ROBO1: variants seen among roughly 807,000 people sequenced by gnomAD.
ROBO1 encodes the protein roundabout guidance receptor 1.
ROBO1 carries 149 observed loss-of-function variants against 195.9 expected under a neutral mutation model. That is an observed-to-expected ratio of 0.76 (90% CI 0.67 to 0.87). ROBO1 has a LOEUF of 0.87. Ranked by LOEUF, ROBO1 falls within the 40% of genes least tolerant of loss-of-function variation. The pLI is 0.00. For synonymous variants in ROBO1, 816 were observed against 733.2 expected (o/e 1.11, Z -1.82); for missense variants, 1,933 against 2,068.3 (o/e 0.93, Z 1.27).
intron 1 of ROBO1, among the ~76,000 whole-genome samples, chr3:79,681,560 G>T (rs1042140624): frequency 6.6e-6 from 1 of 151,964 alleles, no homozygotes; most frequent in African/African-American, 2.4e-5. Context: ...TATGAAATCT[G>T]AGTGTTACCT....
At chr3:79,730,610 C>A (rs970844757) in intron 1 of ROBO1, among the ~76,000 whole-genome samples, 1 of 151,960 alleles carries the variant, frequency 6.6e-6, no homozygotes, top group African/African-American at 2.4e-5. Flanking sequence ...TTTGAGAATG[C>A]TTTCTTTTCA....
intron 4 of ROBO1, among the ~76,000 whole-genome samples, chr3:78,798,074 G>T (rs111860811): frequency 8.7e-4 from 133 of 152,192 alleles, no homozygotes; most frequent in African/African-American, 2.8e-3. Flanking sequence ...GTATAAAGAA[G>T]ATATTTTATT....
chr3:78,668,555 G>C lies in ROBO1; in HGVS notation c.1559C>G (p.Thr520Ser). The C allele has an allele frequency of 6.2e-7, 1 of 1,613,508 alleles. No homozygotes were observed. Among genetic ancestry groups the C allele is most frequent in the Middle Eastern group, 1.6e-4 (1 of 6,062 alleles). The change falls in exon 12 of 31, where the codon ACT becomes AGT. Residue 520 changes from threonine (T) to serine (S), a missense_variant. Around this residue, in one of 3 missense-constraint regions of ROBO1, gnomAD observed 1,737 missense variants for 1,882.5 expected, o/e 0.92. Transcript: ENST00000464233. Reference sequence around the variant, plus strand: ...TGATGCAATGCAGGTGTACCGACCAGTATCACCCAGCTGAGAAGGCAGACA... The same window carrying C: ...TGATGCAATGCAGGTGTACCGACCACTATCACCCAGCTGAGAAGGCAGACA... The part of the protein sequence containing the change: ...LQIRYAKLGD[T>S]GRYTCIASTP...
intron 3 of ROBO1, among the ~76,000 whole-genome samples, chr3:79,050,914 G>T (rs921902859): frequency 2.6e-5 from 4 of 152,148 alleles, no homozygotes; most frequent in African/African-American, 9.7e-5. Context: ...AAAGCAGCGT[G>T]TAGAGGGAAA....
At chr3:78,803,880 T>C (rs1476488180) in intron 4 of ROBO1, among the ~76,000 whole-genome samples, 1 of 152,166 alleles carries the variant, frequency 6.6e-6, no homozygotes, top group Non-Finnish European at 1.5e-5. Flanking sequence ...GAATGATTAA[T>C]TCTTAAATGT....
At chr3:79,600,739 CA>C (rs1244357771) in intron 1 of ROBO1, among the ~76,000 whole-genome samples, 1 of 151,832 alleles carries the variant, frequency 6.6e-6, no homozygotes, top group Non-Finnish European at 1.5e-5. Context: ...GCTAATTTCA[CA>C]TTTCAATAAA....
chr3:79,213,963 T>A (rs1016698565), intron 2 of ROBO1, among the ~76,000 whole-genome samples: 2 of 151,728 alleles, frequency 1.3e-5, no homozygotes, highest in African/African-American at 2.4e-5. Flanking sequence ...GCAGCTGGGA[T>A]TACGGGTGCG....
At chr3:79,445,485 T>G (rs1181513812) in intron 2 of ROBO1, among the ~76,000 whole-genome samples, 2 of 145,744 alleles carry the variant, frequency 1.4e-5, no homozygotes, top group African/African-American at 2.5e-5. Context: ...GAAATTGTTT[T>G]TTTTTTTTTT....
intron 1 of ROBO1, among the ~76,000 whole-genome samples, chr3:79,637,050 A>G (rs1945516537): frequency 6.6e-6 from 1 of 152,214 alleles, no homozygotes; most frequent in South Asian, 2.1e-4. Context: ...ATTAAGTAAA[A>G]TTAAAAATTC....
intron 28 of ROBO1, 74 bp downstream of exon 28, chr3:78,614,574 C>T (rs1703994780): frequency 1.4e-6 from 2 of 1,449,372 alleles, no homozygotes; most frequent in Admixed American, 1.9e-5. Flanking sequence ...TCAGTGAATG[C>T]ATTTGCTAGT....
Position 79,267,549 on chromosome 3 carries a change from T to C in ROBO1, c.89-142010A>G, listed in dbSNP as rs1165094390. Among the ~76,000 whole-genome samples, 5 of 139,202 alleles carry C rather than the reference T, an allele frequency of 3.6e-5. No homozygotes were observed. In the East Asian group the frequency reaches 6.2e-4, roughly 17 times the overall value. The allele number at this position is 139,202 out of a possible 152,430, so 91.3% of individuals were successfully genotyped here. A position where few individuals can be genotyped will look rare whatever the true frequency, so the allele number is the denominator to read the frequency against. ...AATCTTGTGTTTTAAATCTATCTCT[T>C]TTTTTTTTTTTGTCACTTCACTATT... On this transcript the variant is annotated intron_variant, in intron 2 of 30. Transcript: ENST00000464233.
rs75311094 is a variant in ROBO1 at position 79,277,425 on chromosome 3, T to G, written c.89-151886A>C. Among the ~76,000 whole-genome samples, 400 of 152,122 alleles carry G rather than the reference T, an allele frequency of 2.6e-3. 4 individuals are homozygous for G. Among genetic ancestry groups the G allele is most frequent in the African/African-American group, 9.3e-3 (388 of 41,536 alleles). ...TTGCCAGAGCTAAAAATTAAAACAA[T>G]TTAACTCATGGAACTAGAGAATAGG... On this transcript the variant is annotated intron_variant, in intron 2 of 30. Transcript: ENST00000464233.
chr3:79,067,331 T>G (rs2108424510), intron 3 of ROBO1, among the ~76,000 whole-genome samples: 1 of 152,162 alleles, frequency 6.6e-6, no homozygotes, highest in South Asian at 2.1e-4. Flanking sequence ...ATGGGGTTAC[T>G]TGTTTATTTG....
chr3:79,697,108 G>A (rs917952985), intron 1 of ROBO1, among the ~76,000 whole-genome samples: 1 of 151,398 alleles, frequency 6.6e-6, no homozygotes, highest in Non-Finnish European at 1.5e-5. Flanking sequence ...GTCCATATGG[G>A]TTCTCTTGGT....
chr3:78,970,006 G>A (rs571893679), intron 3 of ROBO1, among the ~76,000 whole-genome samples: 1 of 152,124 alleles, frequency 6.6e-6, no homozygotes, highest in African/African-American at 2.4e-5. Flanking sequence ...TGGATACATA[G>A]GGGAAAGAGA....
At position 79,694,866 on chromosome 3, in the gene ROBO1, G is replaced by A. The variant is rs549211095; in HGVS notation, c.-51+72886C>T. ...TCAGATGTATAACTTAAGCTTTTTT[G>A]AAAAGCAATTTGACAATGATATGAG... On this transcript the variant is annotated intron_variant, in intron 1 of 30. Transcript: ENST00000464233. Among the ~76,000 whole-genome samples the A allele has an allele frequency of 5.7e-3, 871 of 151,600 alleles. 13 individuals are homozygous for A. Among genetic ancestry groups the A allele is most frequent in the African/African-American group, 0.018 (747 of 41,448 alleles).
chr3:78,814,019 G>A (rs2084825071), intron 4 of ROBO1, among the ~76,000 whole-genome samples: 1 of 151,918 alleles, frequency 6.6e-6, no homozygotes, highest in African/African-American at 2.4e-5. Flanking sequence ...TTCGGTATAT[G>A]CCAGTTTTCT....
chr3:79,731,935 A>C (rs999820950), intron 1 of ROBO1, among the ~76,000 whole-genome samples: 10 of 152,132 alleles, frequency 6.6e-5, no homozygotes, highest in African/African-American at 2.4e-4. Flanking sequence ...GTCATCATGC[A>C]TCACTTGATT....
chr3:79,590,798 T>C (rs1943975226), intron 1 of ROBO1, among the ~76,000 whole-genome samples: 1 of 138,368 alleles, frequency 7.2e-6, no homozygotes, highest in Admixed American at 7.2e-5. Context: ...TATTTATATA[T>C]CAATTTTATC....
Sources: allele counts gnomAD v4.1 joint callset (sites outside exome capture counted in the v4.1 genomes callset), GRCh38; gene constraint gnomAD v4.1.1; regional missense constraint gnomAD v4.1.1; transcripts MANE v1.5; gene names NCBI Gene and HGNC (gene_info 2026-07-23, HGNC 2026-07-21).